The following LRRC3B variants were observed in gnomAD, a reference collection of about 807,000 sequenced individuals.
LRRC3B encodes the protein leucine-rich repeat-containing protein 3B.
LRRC3B carries 2 observed loss-of-function variants against 12.8 expected under a neutral mutation model. The observed-to-expected ratio is 0.16, with a 90% CI of 0.06 to 0.49. LRRC3B has a LOEUF of 0.49. Among genes scored for constraint, LRRC3B ranks in the 20% least tolerant of loss-of-function variants. LRRC3B has a pLI of 0.96. For missense variants in LRRC3B, 189 were observed against 319.4 expected (o/e 0.59, Z 3.11); for synonymous variants, 132 against 122.0 (o/e 1.08, Z -0.54).
At chr3:26,663,819 G>T (rs1173649075) in intron 1 of LRRC3B, among the ~76,000 whole-genome samples, 4 of 152,010 alleles carry the variant, frequency 2.6e-5, no homozygotes, top group African/African-American at 9.7e-5. Context: ...TTGCCAGTTT[G>T]GGCTCCTACA....
At chr3:26,657,402 A>G (rs1251987677) in intron 1 of LRRC3B, among the ~76,000 whole-genome samples, 3 of 152,180 alleles carry the variant, frequency 2.0e-5, no homozygotes, top group Non-Finnish European at 4.4e-5. Flanking sequence ...TTCAAAATTT[A>G]CTTTGGGTCA....
intron 1 of LRRC3B, among the ~76,000 whole-genome samples, chr3:26,632,166 CAATT>C (rs1206118486): frequency 2.0e-5 from 3 of 152,180 alleles, no homozygotes; most frequent in South Asian, 2.1e-4. Context: ...AGGGGTGAAA[CAATT>C]AATAACTTTT....
chr3:26,708,715 A>C (rs900591384), intron 1 of LRRC3B, among the ~76,000 whole-genome samples: 1 of 152,254 alleles, frequency 6.6e-6, no homozygotes, highest in South Asian at 2.1e-4. Flanking sequence ...TGTATGCAAC[A>C]TGCAACATAT....
intron 1 of LRRC3B, among the ~76,000 whole-genome samples, chr3:26,643,741 G>A (rs7652737): frequency 0.22 from 33,302 of 152,100 alleles, 4,493 homozygotes; most frequent in East Asian, 0.46. Flanking sequence ...TGATTTGAAA[G>A]TGAATGAGGA....
chr3:26,670,173 G>A (rs1472338314), intron 1 of LRRC3B, among the ~76,000 whole-genome samples: 1 of 152,162 alleles, frequency 6.6e-6, no homozygotes, highest in Non-Finnish European at 1.5e-5. Flanking sequence ...AAATGAGGGT[G>A]ATTTAGGAAA....
chr3:26,632,726 C>T (rs950391936), intron 1 of LRRC3B, among the ~76,000 whole-genome samples: 1 of 152,092 alleles, frequency 6.6e-6, no homozygotes, highest in African/African-American at 2.4e-5. Context: ...TAGAGGCCTT[C>T]CAGGAACTGA....
At chr3:26,624,803 G>A (rs926232575) in intron 1 of LRRC3B, 3 of 152,332 alleles carry the variant, frequency 2.0e-5, no homozygotes, top group African/African-American at 4.8e-5. Context: ...ATGCTCTGGC[G>A]AATGCAGGAG....
At chr3:26,659,557 A>G (rs1699450643) in intron 1 of LRRC3B, among the ~76,000 whole-genome samples, 1 of 152,212 alleles carries the variant, frequency 6.6e-6, no homozygotes, top group Admixed American at 6.5e-5. Flanking sequence ...GCATTTGATT[A>G]CCATGGAGAT....
At chr3:26,628,488 A>G (rs2125398125) in intron 1 of LRRC3B, among the ~76,000 whole-genome samples, 1 of 151,334 alleles carries the variant, frequency 6.6e-6, no homozygotes. Context: ...TTTATTTAAA[A>G]AAATATAAAA....
intron 1 of LRRC3B, among the ~76,000 whole-genome samples, chr3:26,670,293 C>T (rs1007547205): frequency 1.1e-4 from 16 of 152,202 alleles, no homozygotes; most frequent in African/African-American, 3.9e-4. Flanking sequence ...CAGACAGACA[C>T]ATTAGTAGTA....
intron 1 of LRRC3B, among the ~76,000 whole-genome samples, chr3:26,698,214 G>A (rs947115402): frequency 6.6e-6 from 1 of 152,172 alleles, no homozygotes; most frequent in African/African-American, 2.4e-5. Context: ...TATTCTAAAT[G>A]TGTTACATGT....
At chr3:26,671,413 G>GAGAGAGAGAGAGGGAGAGAGAGAGAC (rs9331540) in intron 1 of LRRC3B, among the ~76,000 whole-genome samples, 1 of 99,384 alleles carries the variant, frequency 1.0e-5, no homozygotes, top group Non-Finnish European at 1.9e-5. Flanking sequence ...GAGAGAGAGA[G>GAGAGAGAGAGAGGGAGAGAGAGAGAC]ACGAAGTCTT....
At chr3:26,680,974 A>G (rs1699958759) in intron 1 of LRRC3B, among the ~76,000 whole-genome samples, 1 of 152,184 alleles carries the variant, frequency 6.6e-6, no homozygotes, top group Non-Finnish European at 1.5e-5. Context: ...GGGAAGAGAA[A>G]CATCTGTTAT....
intron 1 of LRRC3B, among the ~76,000 whole-genome samples, chr3:26,683,410 G>T (rs1700010659): frequency 6.7e-6 from 1 of 149,956 alleles, no homozygotes; most frequent in East Asian, 1.9e-4. Flanking sequence ...TATTTCTTTG[G>T]GGCCCACCAG....
Position 26,633,433 on chromosome 3 carries a change from GTTATTA to G in LRRC3B, c.-161+10203_-161+10208del, listed in dbSNP as rs993066301. On this transcript the variant is annotated intron_variant, in intron 1 of 1. Transcript: ENST00000396641. ...CTGGCACATGAGAAGTACTACTTAAGTTATTATTATTAGTATAGAACAAAATATTAT... is the reference window on the plus strand; with the variant it reads ...CTGGCACATGAGAAGTACTACTTAAGTTATTAGTATAGAACAAAATATTAT... Among the ~76,000 whole-genome samples, 312 of 152,268 alleles carry G rather than the reference GTTATTA, an allele frequency of 2.0e-3. 1 individual carries two copies. Among genetic ancestry groups the G allele is most frequent in the African/African-American group, 7.2e-3 (300 of 41,548 alleles).
In LRRC3B at chr3:26,684,038, G is replaced by A. The variant is rs146549159; in HGVS notation, c.-160-25475G>A. Among the ~76,000 whole-genome samples the A allele has an allele frequency of 1.1e-4, 17 of 152,260 alleles. No individual in the cohort carries two copies. In the East Asian group the frequency reaches 2.3e-3, roughly 21 times the overall value. ...GAATTGTCTGCTGTGGACTTGTCCCGTTTCTCCTGGTGAATCAGCCAATTT... is the reference window on the plus strand; with the variant it reads ...GAATTGTCTGCTGTGGACTTGTCCCATTTCTCCTGGTGAATCAGCCAATTT... On this transcript the variant is annotated intron_variant, in intron 1 of 1. Transcript: ENST00000396641.
intron 1 of LRRC3B, among the ~76,000 whole-genome samples, chr3:26,708,908 A>G (rs969185026): frequency 6.6e-6 from 1 of 152,186 alleles, no homozygotes; most frequent in East Asian, 1.9e-4. Flanking sequence ...GGTATAATGT[A>G]CTTTAAAGAG....
At chr3:26,630,973 CT>C (rs1698745119) in intron 1 of LRRC3B, among the ~76,000 whole-genome samples, 1 of 152,138 alleles carries the variant, frequency 6.6e-6, no homozygotes, top group African/African-American at 2.4e-5. Flanking sequence ...TGTGTTAGCA[CT>C]TTGGGATCTT....
chr3:26,644,204 G>C (rs1699094770), intron 1 of LRRC3B, among the ~76,000 whole-genome samples: 1 of 152,212 alleles, frequency 6.6e-6, no homozygotes, highest in South Asian at 2.1e-4. Flanking sequence ...CTTAGATATA[G>C]CAGAAATCTT....
Sources: allele counts gnomAD v4.1 joint callset (sites outside exome capture counted in the v4.1 genomes callset), GRCh38; gene constraint gnomAD v4.1.1; transcripts MANE v1.5; gene names NCBI Gene and HGNC (gene_info 2026-07-23, HGNC 2026-07-21).